ZBTB20: variants seen among roughly 807,000 people sequenced by gnomAD.
The protein encoded by ZBTB20 is zinc finger and BTB domain containing 20.
Under a neutral mutation model 56.9 loss-of-function variants are expected in ZBTB20, and 9 were observed. The observed-to-expected ratio is 0.16, with a 90% CI of 0.10 to 0.28. The LOEUF is 0.28. Ranked by LOEUF, ZBTB20 falls within the 10% of genes least tolerant of loss-of-function variation. The pLI is 1.00. For missense variants in ZBTB20, 655 were observed against 1,003.0 expected (o/e 0.65, Z 4.69); for synonymous variants, 417 against 420.7 (o/e 0.99, Z 0.11).
intron 5 of ZBTB20, among the ~76,000 whole-genome samples, chr3:114,758,659 C>T (rs2068198565): frequency 6.6e-6 from 1 of 152,088 alleles, no homozygotes; most frequent in Non-Finnish European, 1.5e-5. Context: ...AAAACATTAA[C>T]ATATTCTTCT....
chr3:115,044,041 T>C (rs1401028055), intron 2 of ZBTB20, among the ~76,000 whole-genome samples: 1 of 152,202 alleles, frequency 6.6e-6, no homozygotes, highest in Non-Finnish European at 1.5e-5. Context: ...GCTCCTCCTT[T>C]GCCTTCTGCC....
chr3:115,141,823 G>A (rs901703805), intron 1 of ZBTB20, among the ~76,000 whole-genome samples: 4 of 152,110 alleles, frequency 2.6e-5, no homozygotes, highest in African/African-American at 9.7e-5. Flanking sequence ...CTGTACACAT[G>A]CTTAGACTTA....
At chr3:114,813,246 C>T (rs185371218) in intron 4 of ZBTB20, among the ~76,000 whole-genome samples, 2 of 152,228 alleles carry the variant, frequency 1.3e-5, no homozygotes, top group Non-Finnish European at 2.9e-5. Context: ...AATATCCAGG[C>T]TACAATGAAA....
chr3:115,145,180 T>C (rs1004786180), intron 1 of ZBTB20, among the ~76,000 whole-genome samples: 1 of 152,216 alleles, frequency 6.6e-6, no homozygotes, highest in Non-Finnish European at 1.5e-5. Flanking sequence ...GATATCACCA[T>C]GCACTATGTG....
At chr3:114,525,752 A>G (rs1021275666) in intron 6 of ZBTB20, among the ~76,000 whole-genome samples, 1 of 151,812 alleles carries the variant, frequency 6.6e-6, no homozygotes, top group African/African-American at 2.4e-5. Flanking sequence ...ACGGGTATTC[A>G]AAAAATACTA....
chr3:114,609,753 G>T (rs2057416642), intron 6 of ZBTB20, among the ~76,000 whole-genome samples: 1 of 152,128 alleles, frequency 6.6e-6, no homozygotes, highest in Non-Finnish European at 1.5e-5. Context: ...AATACAGCCG[G>T]AAATACACCT....
At chr3:114,489,750 T>C (rs2718423) in intron 7 of ZBTB20, among the ~76,000 whole-genome samples, 109,724 of 152,114 alleles carry the variant, frequency 0.72, 41,116 homozygotes, top group Non-Finnish European at 0.83. Flanking sequence ...AAAGCTGTTT[T>C]GCTCGACAGC....
intron 4 of ZBTB20, among the ~76,000 whole-genome samples, chr3:114,846,268 TC>T (rs1257822178): frequency 3.3e-5 from 5 of 152,212 alleles, no homozygotes; most frequent in Non-Finnish European, 7.3e-5. Flanking sequence ...TGAGCTTTCC[TC>T]CTCAGAGAGC....
At chr3:114,365,955 A>G (rs1414975968) in intron 10 of ZBTB20, among the ~76,000 whole-genome samples, 1 of 152,160 alleles carries the variant, frequency 6.6e-6, no homozygotes, top group Non-Finnish European at 1.5e-5. Context: ...AAAAATTAGT[A>G]CCTATATTTT....
chr3:115,017,934 T>C lies in ZBTB20; in HGVS notation c.-506-43518A>G, dbSNP rs913626212. On this transcript the variant is annotated intron_variant, in intron 2 of 11. Coordinates refer to ENST00000675478, the MANE Select transcript of ZBTB20 (RefSeq NM_001348800.3). ...ACTTTCAGATAATGTTACTAAATTG[T>C]GGTTATTTCTGTGCTGGCAAGAAAC... Among the ~76,000 whole-genome samples the C allele has an allele frequency of 2.6e-5, 4 of 151,742 alleles. No homozygotes were observed. The East Asian group carries it at 7.8e-4, about 30-fold the overall frequency.
At position 114,380,422 on chromosome 3, in the gene ZBTB20, G is replaced by A; in HGVS notation, c.12-18C>T. On this transcript the variant is annotated intron_variant, in intron 9 of 11. Transcript: ENST00000675478. ...GTTTCTTCCTGAAAATAAACAAAGGGCCCTTTGAAGGAACTGACTGCATAT... is the reference window on the plus strand; with the variant it reads ...GTTTCTTCCTGAAAATAAACAAAGGACCCTTTGAAGGAACTGACTGCATAT... 6.6e-7 allele frequency: 1 copy of A among 1,507,732 alleles called. No homozygotes were observed. The allele number at this position is 1,507,732 out of a possible 1,614,324, so 93.4% of individuals were successfully genotyped here.
intron 2 of ZBTB20, among the ~76,000 whole-genome samples, chr3:115,006,460 G>T (rs1170079271): frequency 2.1e-5 from 3 of 144,376 alleles, no homozygotes; most frequent in Middle Eastern, 3.6e-3. Flanking sequence ...TATCCAGTTG[G>T]ATATATATAT....
intron 4 of ZBTB20, among the ~76,000 whole-genome samples, chr3:114,856,569 T>C (rs2075264578): frequency 6.6e-6 from 1 of 152,156 alleles, no homozygotes; most frequent in Admixed American, 6.6e-5. Flanking sequence ...TAAAAAAAGA[T>C]ACAATAATTG....
intron 1 of ZBTB20, among the ~76,000 whole-genome samples, chr3:115,084,739 G>A (rs2082923569): frequency 6.6e-6 from 1 of 151,902 alleles, no homozygotes; most frequent in Admixed American, 6.6e-5. Context: ...AGCGTCCCAA[G>A]AATCCACTGA....
intron 6 of ZBTB20, among the ~76,000 whole-genome samples, chr3:114,691,434 T>A (rs1384685406): frequency 6.6e-6 from 1 of 152,100 alleles, no homozygotes; most frequent in East Asian, 1.9e-4. Context: ...TATTCATGAA[T>A]TTAAGATTTT....
At chr3:114,676,843 G>A (rs1254005004) in intron 6 of ZBTB20, among the ~76,000 whole-genome samples, 1 of 146,534 alleles carries the variant, frequency 6.8e-6, no homozygotes, top group East Asian at 2.0e-4. Flanking sequence ...GGCACGATCT[G>A]GGCTCACTGC....
intron 7 of ZBTB20, among the ~76,000 whole-genome samples, chr3:114,454,175 G>GGGGAGAGAGAGAGA (rs1192815934): frequency 2.6e-5 from 3 of 116,676 alleles, no homozygotes; most frequent in Non-Finnish European, 4.9e-5. Context: ...AAAAGAGAAG[G>GGGGAGAGAGAGAGA]GAGAGAGAGA....
In ZBTB20 at chr3:114,322,425, A is replaced by C. The variant is rs1409803234; in HGVS notation, c.*16580T>G. 3.9e-5 allele frequency: 6 copies of C among 152,214 alleles called. No homozygotes were observed. Among genetic ancestry groups the C allele is most frequent in the Admixed American group, 2.0e-4 (3 of 15,280 alleles). The allele number at this position is 152,214 out of a possible 1,614,324, so 9.4% of individuals were successfully genotyped here. A position where few individuals can be genotyped will look rare whatever the true frequency, so the allele number is the denominator to read the frequency against. On this transcript the variant is annotated 3_prime_UTR_variant, in exon 12 of 12. Transcript: ENST00000675478. ...AGTGTAATCCCTTGACCACCAAAGC[A>C]TATCCCTTGAGCCTGTTGTAGTACT...
chr3:114,756,467 A>T (rs2068018715), intron 5 of ZBTB20, among the ~76,000 whole-genome samples: 1 of 152,200 alleles, frequency 6.6e-6, no homozygotes, highest in Non-Finnish European at 1.5e-5. Context: ...CACACAAAAA[A>T]GTTTTGGCTT....
Sources: allele counts gnomAD v4.1 joint callset (sites outside exome capture counted in the v4.1 genomes callset), GRCh38; gene constraint gnomAD v4.1.1; transcripts MANE v1.5; gene names NCBI Gene and HGNC (gene_info 2026-07-23, HGNC 2026-07-21).